The following CDHR4 variants were observed in gnomAD, a reference collection of about 807,000 sequenced individuals.
CDHR4 encodes cadherin related family member 4.
Under a neutral mutation model 88.4 loss-of-function variants are expected in CDHR4, and 89 were observed. The ratio of observed to expected loss-of-function variants is 1.01; its 90% confidence interval spans 0.85 to 1.20. The LOEUF (loss-of-function observed/expected upper bound fraction) is 1.20, where lower values mean the gene tolerates loss of function less well. CDHR4 is among the 50% of genes most tolerant of loss of function. The pLI, the probability that CDHR4 is intolerant of heterozygous loss-of-function variation, is 0.00. For synonymous variants in CDHR4, 368 were observed against 399.2 expected (o/e 0.92, Z 0.93); for missense variants, 914 against 1,007.2 (o/e 0.91, Z 1.25).
At chr3:49,797,389 C>T (rs1397476851) in intron 4 of CDHR4, among the ~76,000 whole-genome samples, 7 of 151,940 alleles carry the variant, frequency 4.6e-5, no homozygotes, top group African/African-American at 1.5e-4. Flanking sequence ...AGTGATTCTC[C>T]GGCCTCAACC....
chr3:49,793,378 A>G, intron 12 of CDHR4, 67 bp from the exon 13 acceptor site: 1 of 1,514,682 alleles, frequency 6.6e-7, no homozygotes, highest in Non-Finnish European at 8.9e-7. Context: ...CAGCCCCTCA[A>G]CTTCTTCTCA....
At chr3:49,797,164 T>G in intron 4 of CDHR4, 132 bp from the exon 5 acceptor site, 1 of 590,410 alleles carries the variant, frequency 1.7e-6, no homozygotes, top group East Asian at 2.9e-5. Context: ...CCTTCCTTCC[T>G]TCTTTCCTTT....
Position 49,795,659 on chromosome 3 carries a change from CG to C in CDHR4, c.815del (p.Pro272ArgfsTer22). Reference protein sequence around the residue: ...GVDLRYEILSPVPSPLFSIGR... With the variant: ...GVDLRYEILSXVPSPLFSIGR... The stretch of plus-strand genomic sequence containing the variant: ...CAATGGAGAAGAGTGGGCTGGGCAC[CG>C]GAGACAGGATTTCATAGCGCAGGTC... On this transcript the variant is annotated frameshift_variant, in exon 7 of 19. Coordinates refer to ENST00000412678, the MANE Select transcript of CDHR4 (RefSeq NM_001007540.4). LOFTEE classifies it high-confidence loss of function. The surrounding 1 kb of genome is among the most constrained non-coding windows in gnomAD (Gnocchi z 5.4). The C allele has an allele frequency of 1.3e-6, 2 of 1,551,628 alleles. No homozygotes were observed. The highest frequency in any genetic ancestry group is 1.7e-6 in the Non-Finnish European group (2 of 1,146,982).
chr3:49,799,850 A>G lies in CDHR4; in HGVS notation c.-38T>C, dbSNP rs2081337684. 1 of 1,612,054 alleles carries G rather than the reference A, an allele frequency of 6.2e-7. No homozygotes were observed. Among genetic ancestry groups the G allele is most frequent in the Non-Finnish European group, 8.5e-7 (1 of 1,178,456 alleles). On this transcript the variant is annotated 5_prime_UTR_variant, in exon 1 of 19. Transcript: ENST00000412678. ...ACACAGACAGCAGAGGAGGCTTCAG[A>G]AAGCTAGGCTGTTTGTCTGACTCAC...
At chr3:49,797,305 G>A (rs1175987036) in intron 4 of CDHR4, among the ~76,000 whole-genome samples, 2 of 145,714 alleles carry the variant, frequency 1.4e-5, no homozygotes, top group African/African-American at 5.1e-5. Flanking sequence ...TTGAGACAGA[G>A]TCTCTCTCTG....
In CDHR4 at chr3:49,793,284, C is replaced by T. The variant is rs2081211134; in HGVS notation, c.1651G>A (p.Glu551Lys). The change falls in exon 13 of 19, where the codon GAG (glutamate) becomes AAG (lysine). Residue 551 changes from glutamate (E) to lysine (K), a missense_variant. Physicochemically the swap from Glu to Lys is moderately conservative, Grantham distance 56. Transcript: ENST00000412678. The part of the protein sequence containing the change: ...EDVNDHAPEC[E>K]PPFQELTIYA... ...ATGGTGAGTTCCTGAAATGGGGGCT[C>T]ACACTCGGGGGCATGGTCATTCACA... 3.9e-6 allele frequency: 6 copies of T among 1,551,558 alleles called. No individual in the cohort carries two copies. The highest frequency in any genetic ancestry group is 5.2e-6 in the Non-Finnish European group (6 of 1,146,978).
In CDHR4 at chr3:49,793,655, C is replaced by T. The variant is rs1453632651; in HGVS notation, c.1551G>A (p.Val517=). 1 of 1,551,748 alleles carries T rather than the reference C, an allele frequency of 6.4e-7. No homozygotes were observed. Among genetic ancestry groups the T allele is most frequent in the Non-Finnish European group, 8.7e-7 (1 of 1,146,998 alleles). ...QQRLYRLTVL[V]IDHGQDQNPN... The stretch of plus-strand genomic sequence containing the variant: ...GGTTCTGGTCTTGGCCATGGTCAAT[C>T]ACAAGGACAGTGAGCCTGTACAGCC... Residue 517 remains valine, a synonymous_variant, in exon 12 of 19, where the codon GTG becomes GTA. Transcript: ENST00000412678.
In CDHR4 at chr3:49,792,599, C is replaced by T. The variant is rs61745903; in HGVS notation, c.2007G>A (p.Thr669=). The change falls in exon 15 of 19, where the codon ACG becomes ACA. Residue 669 remains threonine, a synonymous_variant. Transcript: ENST00000412678. ...TSTHRTTVPS[T]MTPMLVTDTE... ...TGTCTGTCACGAGCATGGGTGTCAT[C>T]GTTGAGGGCACCTGAAAAGGAGGCC... 0.053 allele frequency: 81,777 copies of T among 1,551,618 alleles called. 2,489 individuals carry two copies. Among genetic ancestry groups the T allele is most frequent in the Non-Finnish European group, 0.058 (66,601 of 1,146,954 alleles).
chr3:49,802,429 C>T (rs1433918785), upstream of CDHR4, among the ~76,000 whole-genome samples: 1 of 152,216 alleles, frequency 6.6e-6, no homozygotes, highest in Non-Finnish European at 1.5e-5. Context: ...CCCGCCTCGG[C>T]CTCCCAAACT....
rs1401660517 is a variant in CDHR4 at position 49,795,983 on chromosome 3, CTAT to C, written c.667_669del (p.Ile223del). 4.5e-6 allele frequency: 7 copies of C among 1,545,738 alleles called. No individual in the cohort carries two copies. The Middle Eastern group carries it at 8.6e-4, about 190-fold the overall frequency. On this transcript the variant is annotated inframe_deletion, in exon 6 of 19. Coordinates refer to ENST00000412678, the MANE Select transcript of CDHR4 (RefSeq NM_001007540.4). This position sits in a 1 kb window ranked among gnomAD's most constrained non-coding sequence, Gnocchi z 5.4. ...CTGGAGGGAACAGGCAAAACCTTCA[CTAT>C]CACCATCCCTTGGCAGCTTTGCCTT...
Position 49,794,590 on chromosome 3 carries a change from C to A in CDHR4, c.1279+18G>T. On this transcript the variant is annotated intron_variant, in intron 10 of 18. Transcript: ENST00000412678. ...AACAGCCTTGTCCTGGGTGTCCAGG[C>A]CGGGTGTGGTCACTCACTGGTCATC... 6.5e-7 allele frequency: 1 copy of A among 1,542,710 alleles called. No individual in the cohort carries two copies. The highest frequency in any genetic ancestry group is 1.2e-5 in the South Asian group (1 of 83,048).
intron 12 of CDHR4, 48 bp downstream of exon 12, chr3:49,793,535 C>T (rs1388516541): frequency 1.3e-6 from 2 of 1,545,190 alleles, no homozygotes; most frequent in Non-Finnish European, 1.7e-6. Flanking sequence ...GCAATCTGAA[C>T]TCCTGTCTTT....
intron 4 of CDHR4, 21 bp downstream of exon 4, chr3:49,798,805 C>CG: frequency 6.2e-7 from 1 of 1,609,420 alleles, no homozygotes; most frequent in Non-Finnish European, 8.5e-7. Context: ...TGTCACCCAC[C>CG]GTCCCATGTT....
intron 10 of CDHR4, 87 bp downstream of exon 10, chr3:49,794,521 G>A (rs2081237132): frequency 5.7e-6 from 6 of 1,043,548 alleles, no homozygotes; most frequent in Non-Finnish European, 8.4e-6. Context: ...GATTCTGAAG[G>A]AGGAGAGATG....
chr3:49,792,070 C>A, intron 15 of CDHR4, 111 bp from the exon 16 acceptor site: 1 of 1,060,430 alleles, frequency 9.4e-7, no homozygotes, highest in South Asian at 1.4e-5. Context: ...TGTCTGTATG[C>A]AGTGCCCACA....
Position 49,791,918 on chromosome 3 carries a change from G to T in CDHR4, c.2180C>A (p.Ala727Asp). ...GGAGACTGACCTGTTTAGCAGCAAA[G>T]CCTGGGCTGGTTTGCTGGGTGCTTG... ...LLQAPSKPAQALLLNSIQGTE... is the reference protein window; with the variant it reads ...LLQAPSKPAQDLLLNSIQGTE... The change falls in exon 16 of 19, where the codon GCT (alanine) becomes GAT (aspartate). Residue 727 changes from alanine to aspartate, a missense_variant. Ala to Asp is a moderately radical substitution (Grantham distance 126). Transcript: ENST00000412678. 2 of 1,551,758 alleles carry T rather than the reference G, an allele frequency of 1.3e-6. No individual in the cohort carries two copies. The highest frequency in any genetic ancestry group is 8.7e-7 in the Non-Finnish European group (1 of 1,147,000).
At chr3:49,799,720 A>T in intron 1 of CDHR4, 44 bp downstream of exon 1, 1 of 1,600,886 alleles carries the variant, frequency 6.2e-7, no homozygotes. Flanking sequence ...AAGGGTCAGG[A>T]CTCCAAGGGA....
chr3:49,793,434 AG>A, intron 12 of CDHR4, 123 bp from the exon 13 acceptor site: 1 of 1,446,504 alleles, frequency 6.9e-7, no homozygotes, highest in Non-Finnish European at 9.3e-7. Flanking sequence ...ATCACACAAC[AG>A]GCTCCAGAGC....
chr3:49,800,801 T>C (rs893340006), upstream of CDHR4, among the ~76,000 whole-genome samples: 2 of 149,766 alleles, frequency 1.3e-5, no homozygotes, highest in African/African-American at 5.0e-5. Flanking sequence ...CTTATGCCTG[T>C]ATGGGAGGCT....
Sources: allele counts gnomAD v4.1 joint callset (sites outside exome capture counted in the v4.1 genomes callset), GRCh38; gene constraint gnomAD v4.1.1; non-coding constraint Gnocchi (gnomAD v3.1); transcripts MANE v1.5; gene names NCBI Gene and HGNC (gene_info 2026-07-23, HGNC 2026-07-21).